STARD13: variants seen among roughly 807,000 people sequenced by gnomAD.
STARD13 encodes the protein stAR-related lipid transfer protein 13.
In STARD13, 62 loss-of-function variants were observed where a neutral mutation model predicts 106.4. The observed-to-expected ratio is 0.58, with a 90% confidence interval of 0.48 to 0.72. STARD13 has a LOEUF of 0.72. STARD13 is among the 30% of genes least tolerant of loss of function. STARD13 has a pLI of 0.00. For missense variants in STARD13, 1,387 were observed against 1,424.0 expected, an observed-to-expected ratio of 0.97 and a Z score of 0.42; for synonymous variants, 565 against 553.0, an observed-to-expected ratio of 1.02 and a Z score of -0.31.
intron 1 of STARD13, among the ~76,000 whole-genome samples, chr13:33,341,923 G>A (rs2077965689): frequency 1.3e-5 from 2 of 151,918 alleles, no homozygotes; most frequent in Admixed American, 6.6e-5. Flanking sequence ...TGGAGTAGCT[G>A]GAATTACAGG....
intron 1 of STARD13, among the ~76,000 whole-genome samples, chr13:33,227,338 T>G (rs751736961): frequency 1.4e-4 from 21 of 152,248 alleles, no homozygotes; most frequent in Non-Finnish European, 2.6e-4. Context: ...TTCAACCATA[T>G]GTGGATTTAA....
chr13:33,593,661 T>A, the STARD13 span, among the ~76,000 whole-genome samples: 1 of 152,174 alleles, frequency 6.6e-6, no homozygotes, highest in African/African-American at 2.4e-5. Flanking sequence ...AGAAAATACA[T>A]CCTTTGACCG....
chr13:33,322,595 T>C (rs1225518060), intron 1 of STARD13, among the ~76,000 whole-genome samples: 3 of 152,244 alleles, frequency 2.0e-5, no homozygotes, highest in African/African-American at 7.2e-5. Context: ...GTTGCAGGAA[T>C]GACCTAACAG....
In STARD13 at chr13:33,240,174, A is replaced by C. The variant is rs1889397424; in HGVS notation, c.169+45296T>G. ...CTCATTATGTAGTCTTGATGAGCTC[A>C]TTGAAGACCATCTGACCGTATACAC... On this transcript the variant is annotated intron_variant, in intron 1 of 13. Transcript: ENST00000336934. Among the ~76,000 whole-genome samples the C allele has an allele frequency of 2.0e-5, 3 of 152,188 alleles. No homozygotes were observed. The South Asian group carries it at 6.2e-4, about 32-fold the overall frequency.
the STARD13 span, among the ~76,000 whole-genome samples, chr13:33,482,345 C>T: frequency 3.3e-5 from 5 of 152,156 alleles, no homozygotes; most frequent in Non-Finnish European, 5.9e-5. Context: ...CATCCACTAA[C>T]AAGCTTGTTT....
intron 1 of STARD13, among the ~76,000 whole-genome samples, chr13:33,174,103 T>C (rs1884269334): frequency 6.6e-6 from 1 of 152,132 alleles, no homozygotes; most frequent in Admixed American, 6.5e-5. Context: ...TCCAGCTAAG[T>C]AGAGAATAAA....
At chr13:33,478,266 T>C in the STARD13 span, among the ~76,000 whole-genome samples, 1 of 152,156 alleles carries the variant, frequency 6.6e-6, no homozygotes, top group African/African-American at 2.4e-5. Flanking sequence ...CAACAGGACC[T>C]AGCCCAAATC....
At chr13:33,191,089 A>G (rs1184795411) in intron 1 of STARD13, among the ~76,000 whole-genome samples, 1 of 152,254 alleles carries the variant, frequency 6.6e-6, no homozygotes, top group South Asian at 2.1e-4. Flanking sequence ...AAGTTACGAC[A>G]TAAACAATTA....
chr13:33,482,102 T>C, the STARD13 span, among the ~76,000 whole-genome samples: 1 of 152,214 alleles, frequency 6.6e-6, no homozygotes, highest in Non-Finnish European at 1.5e-5. Context: ...GTTTTTAAAA[T>C]GTCCTTATCT....
rs1038385304 is a variant in STARD13 at position 33,267,538 on chromosome 13, T to C, written c.169+17932A>G. Among the ~76,000 whole-genome samples the C allele has an allele frequency of 2.6e-5, 4 of 152,194 alleles. No homozygotes were observed. The East Asian group carries it at 7.7e-4, about 29-fold the overall frequency. ...TCAAACTCTGGTGTGATATTGTATT[T>C]GAATGCGTTGTTATATCCCAAGGAC... is the stretch of plus-strand genomic sequence containing the variant. On this transcript the variant is annotated intron_variant, in intron 1 of 13. Transcript: ENST00000336934.
the STARD13 span, among the ~76,000 whole-genome samples, chr13:33,543,207 A>G: frequency 6.6e-6 from 1 of 152,198 alleles, no homozygotes; most frequent in Non-Finnish European, 1.5e-5. Flanking sequence ...GGAAGATGAC[A>G]CGAGCTTTGT....
At chr13:33,383,928 G>A in the STARD13 span, among the ~76,000 whole-genome samples, 2 of 152,028 alleles carry the variant, frequency 1.3e-5, no homozygotes, top group Admixed American at 1.3e-4. Context: ...GAAGTGGTTT[G>A]GCCAGCTAAA....
intron 1 of STARD13, among the ~76,000 whole-genome samples, chr13:33,177,623 C>A (rs907963456): frequency 4.0e-5 from 6 of 151,072 alleles, no homozygotes; most frequent in Admixed American, 6.6e-5. Context: ...AGGCACTATG[C>A]TTATTATTTG....
At chr13:33,640,568 A>G in the STARD13 span, among the ~76,000 whole-genome samples, 1 of 152,140 alleles carries the variant, frequency 6.6e-6, no homozygotes, top group East Asian at 1.9e-4. Context: ...TTAATCATGG[A>G]TTTGGCAGAT....
chr13:33,509,237 A>C, the STARD13 span, among the ~76,000 whole-genome samples: 29 of 152,178 alleles, frequency 1.9e-4, no homozygotes, highest in African/African-American at 6.5e-4. Context: ...CTCATCTGGC[A>C]GTTGCAGAAG....
intron 1 of STARD13, among the ~76,000 whole-genome samples, chr13:33,325,413 A>T (rs1277330839): frequency 6.6e-6 from 1 of 152,182 alleles, no homozygotes; most frequent in Non-Finnish European, 1.5e-5. Context: ...GAGAGGAAAA[A>T]AATGAATAAA....
At chr13:33,472,856 G>A in the STARD13 span, among the ~76,000 whole-genome samples, 9 of 152,196 alleles carry the variant, frequency 5.9e-5, no homozygotes, top group Non-Finnish European at 7.4e-5. Flanking sequence ...AGAGGAATGC[G>A]AAAATGTCTA....
At chr13:33,514,593 G>A in the STARD13 span, among the ~76,000 whole-genome samples, 2,135 of 152,254 alleles carry the variant, frequency 0.014, 23 homozygotes, top group Middle Eastern at 0.041. Flanking sequence ...GGAGGCTGGA[G>A]GGTAGGGTGG....
At chr13:33,197,590 C>T (rs183365534) in intron 1 of STARD13, among the ~76,000 whole-genome samples, 8 of 152,208 alleles carry the variant, frequency 5.3e-5, no homozygotes, top group East Asian at 1.9e-4. Context: ...CTTTCCTCTC[C>T]GTCAGCGAGC....
Sources: gnomAD v4.1 joint callset for allele counts (sites outside exome capture counted in the v4.1 genomes callset) on GRCh38, gnomAD v4.1.1 for gene constraint, MANE v1.5 for transcripts, NCBI Gene and HGNC (gene_info 2026-07-23, HGNC 2026-07-21) for gene names.